TASP1: variants seen among roughly 807,000 people sequenced by gnomAD.
TASP1 encodes threonine aspartase 1.
TASP1 carries 16 observed loss-of-function variants against 56.6 expected under a neutral mutation model. The ratio of observed to expected loss-of-function variants is 0.28; its 90% CI spans 0.19 to 0.43. TASP1 has a LOEUF of 0.43. Among genes scored for constraint, TASP1 ranks in the 20% least tolerant of loss-of-function variants. The probability of loss-of-function intolerance (pLI) is 1.00; values close to 1 mark genes in which losing one functional copy is unlikely to be tolerated. For synonymous variants in TASP1, 179 were observed against 184.2 expected (o/e 0.97, Z 0.23); for missense variants, 393 against 511.6 (o/e 0.77, Z 2.24).
At chr20:13,531,569 C>A (rs766971685) in intron 9 of TASP1, among the ~76,000 whole-genome samples, 23 of 151,172 alleles carry the variant, frequency 1.5e-4, no homozygotes, top group Non-Finnish European at 2.9e-4. Context: ...TGGCTCACTG[C>A]AACCTCAGCC....
chr20:13,597,748 G>A (rs935592108), intron 4 of TASP1, among the ~76,000 whole-genome samples: 4 of 152,182 alleles, frequency 2.6e-5, no homozygotes, highest in African/African-American at 9.7e-5. Flanking sequence ...AATTGTCCCT[G>A]TTTGCAGATG....
At chr20:13,471,565 A>G (rs921204020) in intron 11 of TASP1, among the ~76,000 whole-genome samples, 61 of 152,270 alleles carry the variant, frequency 4.0e-4, no homozygotes, top group African/African-American at 1.4e-3. Flanking sequence ...TCTTTAGTAC[A>G]TGACCCTCCT....
intron 11 of TASP1, among the ~76,000 whole-genome samples, chr20:13,439,448 T>C (rs372968420): frequency 2.1e-4 from 32 of 152,178 alleles, no homozygotes; most frequent in Admixed American, 9.2e-4. Flanking sequence ...TAGATGGGAA[T>C]TGAACAATGA....
At position 13,616,861 on chromosome 20, in the gene TASP1, A is replaced by G. The variant is rs1199758143; in HGVS notation, c.282+6585T>C. 3 of 299,460 alleles carry G rather than the reference A, an allele frequency of 1.0e-5. No homozygotes were observed. The East Asian group carries it at 2.9e-4, about 29-fold the overall frequency. 18.6% of individuals were successfully genotyped at this position (299,460 alleles called of 1,614,324 possible). ...TTTAAAAAGAGTGTAACTTACTTTT[A>G]CTGTCCCAGGCTAAATGGGCTCTGT... On this transcript the variant is annotated intron_variant, in intron 4 of 13. Transcript: ENST00000337743.
intron 12 of TASP1, among the ~76,000 whole-genome samples, chr20:13,424,147 T>A (rs891908536): frequency 1.3e-5 from 2 of 152,138 alleles, no homozygotes; most frequent in Non-Finnish European, 2.9e-5. Context: ...TTTTAAAAGG[T>A]CAAAATCATT....
chr20:13,443,885 T>C (rs1280410989), intron 11 of TASP1, among the ~76,000 whole-genome samples: 1 of 152,122 alleles, frequency 6.6e-6, no homozygotes, highest in African/African-American at 2.4e-5. Flanking sequence ...CCTGGTATGA[T>C]CAACTGGAAC....
chr20:13,201,956 T>G, the TASP1 span, among the ~76,000 whole-genome samples: 1 of 152,090 alleles, frequency 6.6e-6, no homozygotes, highest in Non-Finnish European at 1.5e-5. Flanking sequence ...GGTTTCACCA[T>G]GCTGGCCAGG....
the TASP1 span, among the ~76,000 whole-genome samples, chr20:13,242,035 C>T: frequency 6.6e-6 from 1 of 152,102 alleles, no homozygotes; most frequent in Non-Finnish European, 1.5e-5. Flanking sequence ...GAGAAAATGG[C>T]AGTGGCTTGG....
chr20:13,116,301 C>A, the TASP1 span, among the ~76,000 whole-genome samples: 740 of 152,290 alleles, frequency 4.9e-3, 6 homozygotes, highest in African/African-American at 0.017. Context: ...TGAATTAGCT[C>A]TTGAACTAAC....
At chr20:13,221,757 A>G in the TASP1 span, 1 of 1,424,638 alleles carries the variant, frequency 7.0e-7, no homozygotes. Context: ...CCGGGTCCTA[A>G]AGCCGCGCGT....
chr20:13,580,016 T>C (rs2047063732), intron 6 of TASP1, among the ~76,000 whole-genome samples: 1 of 152,206 alleles, frequency 6.6e-6, no homozygotes, highest in Non-Finnish European at 1.5e-5. Context: ...GAGCATAGAC[T>C]AAGTGTGACA....
the TASP1 span, among the ~76,000 whole-genome samples, chr20:13,365,852 G>A: frequency 6.6e-6 from 1 of 152,316 alleles, no homozygotes; most frequent in African/African-American, 2.4e-5. Flanking sequence ...ACGGCCTGGG[G>A]ATAGGAAAGG....
At chr20:13,344,783 G>A in the TASP1 span, among the ~76,000 whole-genome samples, 5 of 152,202 alleles carry the variant, frequency 3.3e-5, no homozygotes, top group South Asian at 4.2e-4. Flanking sequence ...CAGTGCTCGC[G>A]CCTCTCCATC....
chr20:13,280,000 T>C, the TASP1 span: 269 of 1,209,768 alleles, frequency 2.2e-4, no homozygotes, highest in East Asian at 6.2e-3. Context: ...CATGTGGCTT[T>C]TGGTCTTCTG....
the TASP1 span, among the ~76,000 whole-genome samples, chr20:13,352,525 T>C: frequency 6.6e-6 from 1 of 152,178 alleles, no homozygotes; most frequent in South Asian, 2.1e-4. Context: ...TTCTGAAATT[T>C]GGGCTCAAGT....
chr20:13,461,583 A>G (rs2044053931), intron 11 of TASP1, among the ~76,000 whole-genome samples: 1 of 152,184 alleles, frequency 6.6e-6, no homozygotes, highest in African/African-American at 2.4e-5. Flanking sequence ...CTTTGTAGGC[A>G]ATATGGTCTA....
At chr20:13,596,290 G>A (rs1023466024) in intron 4 of TASP1, among the ~76,000 whole-genome samples, 16 of 151,606 alleles carry the variant, frequency 1.1e-4, no homozygotes, top group Non-Finnish European at 1.9e-4. Context: ...CAGGAGAATC[G>A]CTTGAACCCA....
chr20:13,393,937 T>C lies in TASP1; in HGVS notation c.1171-3485A>G, dbSNP rs148843622. Among the ~76,000 whole-genome samples the C allele has an allele frequency of 1.5e-3, 234 of 152,132 alleles. 2 individuals are homozygous for C. The East Asian group carries it at 0.041, about 26-fold the overall frequency. On this transcript the variant is annotated intron_variant, in intron 13 of 13. Transcript: ENST00000337743. ...AGTGTTTTAACTGATATGACCAATC[T>C]GTTTGGCTGAAAAGTGAATCATACT... is the stretch of plus-strand genomic sequence containing the variant.
At chr20:13,211,705 C>A in the TASP1 span, among the ~76,000 whole-genome samples, 1 of 152,126 alleles carries the variant, frequency 6.6e-6, no homozygotes, top group African/African-American at 2.4e-5. Context: ...CCTGACCATA[C>A]CAATCCTGAC....
Sources: gnomAD v4.1 joint callset for allele counts (sites outside exome capture counted in the v4.1 genomes callset) on GRCh38, gnomAD v4.1.1 for gene constraint, MANE v1.5 for transcripts, NCBI Gene and HGNC (gene_info 2026-07-23, HGNC 2026-07-21) for gene names.